SMURF1: variants seen among roughly 807,000 people sequenced by gnomAD.
SMURF1 encodes the protein E3 ubiquitin-protein ligase SMURF1.
In SMURF1, 44 loss-of-function variants were observed where a neutral mutation model predicts 98.0. That is an observed-to-expected ratio of 0.45 (90% CI 0.35 to 0.58). The LOEUF is 0.58. Ranked by LOEUF, SMURF1 falls within the 20% of genes least tolerant of loss-of-function variation. The pLI is 0.00. For synonymous variants in SMURF1, 396 were observed against 374.9 expected (o/e 1.06, Z -0.65); for missense variants, 687 against 938.4 (o/e 0.73, Z 3.50).
At chr7:99,039,636 G>A (rs556718685) in intron 13 of SMURF1, among the ~76,000 whole-genome samples, 20 of 152,230 alleles carry the variant, frequency 1.3e-4, no homozygotes, top group African/African-American at 4.6e-4. Flanking sequence ...ACAAAGTGCT[G>A]GGATAATAGG....
chr7:99,038,305 TCA>T (rs1795233890), intron 14 of SMURF1, 81 bp downstream of exon 14: 1 of 1,514,716 alleles, frequency 6.6e-7, no homozygotes, highest in Non-Finnish European at 9.0e-7. Flanking sequence ...CATGCAGGCC[TCA>T]CACAGCGAAG....
At position 99,052,314 on chromosome 7, in the gene SMURF1, A is replaced by G. The variant is rs1795776480; in HGVS notation, c.612T>C (p.Asp204=). The G allele has an allele frequency of 1.2e-6, 2 of 1,613,042 alleles. No individual in the cohort carries two copies. The highest frequency in any genetic ancestry group is 2.7e-5 in the African/African-American group (2 of 75,016). ...GAAGCCGCTGTGCCTGAAGTCTTTG[A>G]TCTTGACTTGGGGACTCCACGAACC... The part of the protein sequence containing the change: ...NCRFVESPSQ[D]QRLQAQRLRN... The change falls in exon 7 of 18, where the codon GAT becomes GAC. Residue 204 remains aspartate, a synonymous_variant. Transcript: ENST00000361368.
chr7:99,132,314 G>T (rs1797887538), intron 1 of SMURF1, among the ~76,000 whole-genome samples: 1 of 152,140 alleles, frequency 6.6e-6, no homozygotes, highest in South Asian at 2.1e-4. Context: ...TAAACAAGGA[G>T]GGCATTAATT....
intron 1 of SMURF1, among the ~76,000 whole-genome samples, chr7:99,110,663 C>A (rs563645724): frequency 1.3e-5 from 2 of 152,228 alleles, no homozygotes; most frequent in African/African-American, 4.8e-5. Context: ...GAAGTCCAGC[C>A]ATATCTATCA....
chr7:99,037,561 A>G (rs1795193872), intron 14 of SMURF1, among the ~76,000 whole-genome samples: 2 of 152,196 alleles, frequency 1.3e-5, no homozygotes, highest in Non-Finnish European at 2.9e-5. Context: ...CTGATATCAC[A>G]GTCTGACAAA....
At chr7:99,048,797 G>A (rs1246105206) in intron 9 of SMURF1, 2 of 152,262 alleles carry the variant, frequency 1.3e-5, no homozygotes, top group South Asian at 4.1e-4. Context: ...TCGGTTAAAA[G>A]AGCTATGTCG....
chr7:99,057,150 GGTTGAATGTAA>G, intron 5 of SMURF1, 44 bp downstream of exon 5: 2 of 1,589,512 alleles, frequency 1.3e-6, no homozygotes, highest in Admixed American at 3.3e-5. Flanking sequence ...GGCGATGAAG[GGTTGAATGTAA>G]GTTCTGGAAA....
rs535366946 is a variant in SMURF1, at chr7:99,037,053, C to G, written c.1809+14G>C. The G allele has an allele frequency of 1.7e-5, 28 of 1,613,510 alleles. No homozygotes were observed. The highest frequency in any genetic ancestry group is 2.0e-5 in the Non-Finnish European group (24 of 1,179,986). On this transcript the variant is annotated intron_variant, in intron 15 of 17. Transcript: ENST00000361368. Reference sequence around the variant, plus strand: ...AGGGACGCCCTGGGTCGACTCCGCACAGCAGGCACATACCTCCAGTTCCTT... The same window carrying G: ...AGGGACGCCCTGGGTCGACTCCGCAGAGCAGGCACATACCTCCAGTTCCTT...
chr7:99,085,387 G>GAA (rs1368849491), intron 1 of SMURF1, among the ~76,000 whole-genome samples: 1 of 146,718 alleles, frequency 6.8e-6, no homozygotes. Context: ...GAAAAGAAAA[G>GAA]AAAAAGAAAG....
intron 1 of SMURF1, among the ~76,000 whole-genome samples, chr7:99,070,174 GC>G (rs1226386752): frequency 1.3e-5 from 2 of 152,204 alleles, no homozygotes; most frequent in Admixed American, 1.3e-4. Context: ...GCAGGGTTAG[GC>G]AGAGCTGTTG....
intron 1 of SMURF1, among the ~76,000 whole-genome samples, chr7:99,093,400 A>C (rs1796857583): frequency 6.6e-6 from 1 of 152,164 alleles, no homozygotes; most frequent in Non-Finnish European, 1.5e-5. Flanking sequence ...TAGCTACACA[A>C]AGGAGGTGAG....
intron 1 of SMURF1, among the ~76,000 whole-genome samples, chr7:99,123,578 A>G (rs1480581089): frequency 6.6e-6 from 1 of 152,130 alleles, no homozygotes; most frequent in Non-Finnish European, 1.5e-5. Flanking sequence ...GGTTGGTAAG[A>G]GGGGATGGGA....
chr7:99,142,164 G>A (rs1236916309), intron 1 of SMURF1, among the ~76,000 whole-genome samples: 3 of 152,206 alleles, frequency 2.0e-5, no homozygotes, highest in Non-Finnish European at 2.9e-5. Flanking sequence ...GCCCGCGGCA[G>A]AGCGTTGCGC....
chr7:99,031,792 G>A (rs1794897787), intron 17 of SMURF1, among the ~76,000 whole-genome samples: 1 of 152,200 alleles, frequency 6.6e-6, no homozygotes, highest in Non-Finnish European at 1.5e-5. Context: ...GCTAGCATCT[G>A]ACCCCGCATC....
intron 5 of SMURF1, among the ~76,000 whole-genome samples, chr7:99,056,644 A>G (rs1186321651): frequency 6.6e-6 from 1 of 152,220 alleles, no homozygotes; most frequent in African/African-American, 2.4e-5. Flanking sequence ...GATGATTAAA[A>G]TTACATTTAA....
intron 12 of SMURF1, among the ~76,000 whole-genome samples, chr7:99,041,087 T>C (rs1272450488): frequency 2.0e-5 from 3 of 152,132 alleles, no homozygotes; most frequent in Non-Finnish European, 4.4e-5. Context: ...CAGGAAAATA[T>C]GTATGAGTAA....
chr7:99,094,966 G>A (rs1207371531), intron 1 of SMURF1, among the ~76,000 whole-genome samples: 1 of 152,204 alleles, frequency 6.6e-6, no homozygotes, highest in Non-Finnish European at 1.5e-5. Flanking sequence ...ATCACAGGAG[G>A]CCCAGGGCTC....
At chr7:99,041,021 AAGAGAGGGAAAGAGAGGG>A (rs1312608132) in intron 12 of SMURF1, among the ~76,000 whole-genome samples, 1 of 152,132 alleles carries the variant, frequency 6.6e-6, no homozygotes, top group African/African-American at 2.4e-5. Flanking sequence ...GAACGAAAGG[AAGAGAGGGAAAGAGAGGG>A]AGGGAGGGAA....
chr7:99,119,552 C>A (rs1232366214), intron 1 of SMURF1, among the ~76,000 whole-genome samples: 1 of 152,088 alleles, frequency 6.6e-6, no homozygotes, highest in East Asian at 1.9e-4. Flanking sequence ...TTAGGCATTT[C>A]CCAAATACAA....
Sources: allele counts gnomAD v4.1 joint callset (sites outside exome capture counted in the v4.1 genomes callset), GRCh38; gene constraint gnomAD v4.1.1; transcripts MANE v1.5; gene names NCBI Gene and HGNC (gene_info 2026-07-23, HGNC 2026-07-21).